The following PDPK1 variants were observed in gnomAD, a reference collection of about 807,000 sequenced individuals.
PDPK1 encodes the protein 3-phosphoinositide dependent protein kinase 1, also known as 3-phosphoinositide-dependent protein kinase 1.
PDPK1 carries 7 observed loss-of-function variants against 39.8 expected under a neutral mutation model. The observed-to-expected ratio is 0.18, with a 90% confidence interval of 0.10 to 0.33. PDPK1 has a LOEUF of 0.33. Ranked by LOEUF, PDPK1 falls within the 10% of genes least tolerant of loss-of-function variation. The probability of loss-of-function intolerance (pLI) is 1.00; values close to 1 mark genes in which losing one functional copy is unlikely to be tolerated. For synonymous variants in PDPK1, 118 were observed against 159.1 expected, an observed-to-expected ratio of 0.74 and a Z score of 1.95; for missense variants, 182 against 384.7, an observed-to-expected ratio of 0.47 and a Z score of 4.41.
chr16:2,594,356 A>G (rs981592597), intron 11 of PDPK1: 1 of 151,836 alleles, frequency 6.6e-6, no homozygotes, highest in Admixed American at 6.6e-5. Flanking sequence ...CATCCTGGCT[A>G]ACATAGTGAA....
intron 10 of PDPK1, among the ~76,000 whole-genome samples, chr16:2,585,454 C>T (rs2066848693): frequency 6.6e-6 from 1 of 152,228 alleles, no homozygotes; most frequent in East Asian, 1.9e-4. Context: ...CGCACCCCCT[C>T]CTTCATGGGG....
rs1414270641 is a variant in PDPK1, at chr16:2,597,920, GA to G, written c.*161del. 9 of 587,534 alleles carry G rather than the reference GA, an allele frequency of 1.5e-5. No homozygotes were observed. The highest frequency in any genetic ancestry group is 4.4e-5 in the South Asian group (2 of 45,730). The allele number at this position is 587,534 out of a possible 1,614,324, so 36.4% of individuals were successfully genotyped here. ...AGCATTTTTATTTAAAAGAAAAGAA[GA>G]AAAAAAACACCCAACCACACAAAGA... On this transcript the variant is annotated 3_prime_UTR_variant, in exon 14 of 14. Coordinates refer to ENST00000342085, the MANE Select transcript of PDPK1 (RefSeq NM_002613.5). The surrounding 1 kb of genome is among the most constrained non-coding windows in gnomAD (Gnocchi z 6.3).
chr16:2,542,808 G>A (rs1016660652), intron 1 of PDPK1, among the ~76,000 whole-genome samples: 6 of 152,126 alleles, frequency 3.9e-5, no homozygotes, highest in Non-Finnish European at 7.3e-5. Context: ...GACCAAGGAC[G>A]TTAGTTCTGG....
At position 2,598,192 on chromosome 16, in the gene PDPK1, C is replaced by A; in HGVS notation, c.*425C>A. ...GGCCGAGGGGACCGGGTGTGTTTGG[C>A]TCTTTATGCCCCTCCCGCTGTGGTC... On this transcript the variant is annotated 3_prime_UTR_variant, in exon 14 of 14. Coordinates refer to ENST00000342085, the MANE Select transcript of PDPK1 (RefSeq NM_002613.5). 1 of 241,020 alleles carries A rather than the reference C, an allele frequency of 4.1e-6. No homozygotes were observed. The highest frequency in any genetic ancestry group is 8.1e-6 in the Non-Finnish European group (1 of 123,114). 14.9% of individuals were successfully genotyped at this position (241,020 alleles called of 1,614,324 possible).
intron 7 of PDPK1, 138 bp downstream of exon 7, chr16:2,577,638 C>T (rs1457775441): frequency 1.6e-6 from 1 of 637,736 alleles, no homozygotes; most frequent in Non-Finnish European, 2.8e-6. Flanking sequence ...GGCGTATTTT[C>T]CGTGGCGTAC....
At chr16:2,545,816 T>G (rs188412867) in intron 1 of PDPK1, among the ~76,000 whole-genome samples, 1 of 152,122 alleles carries the variant, frequency 6.6e-6, no homozygotes, top group East Asian at 1.9e-4. Flanking sequence ...TTTTTAAAAT[T>G]TTTTGTACAG....
Position 2,551,489 on chromosome 16 carries a change from TGA to T in PDPK1, c.25-6210_25-6209del, listed in dbSNP as rs372135725. 2.4e-4 allele frequency among the ~76,000 whole-genome samples: 36 copies of T among 150,604 alleles called. No homozygotes were observed. In the South Asian group the frequency reaches 2.8e-3, roughly 12 times the overall value. ...GAGAGCAGTTCCTGCTTGCCGCGTGTGAGAGTGTGCGGGCGCTGGCTCTACCT... is the reference window on the plus strand; with the variant it reads ...GAGAGCAGTTCCTGCTTGCCGCGTGTGAGTGTGCGGGCGCTGGCTCTACCT... On this transcript the variant is annotated intron_variant, in intron 1 of 13. Transcript: ENST00000342085.
chr16:2,538,129 G>T lies in PDPK1; in HGVS notation c.17G>T (p.Ser6Ile). 1 of 1,065,232 alleles carries T rather than the reference G, an allele frequency of 9.4e-7. No individual in the cohort carries two copies. The highest frequency in any genetic ancestry group is 1.1e-6 in the Non-Finnish European group (1 of 881,100). 66.0% of individuals were successfully genotyped at this position (1,065,232 alleles called of 1,614,324 possible). A position where few individuals can be genotyped will look rare whatever the true frequency, so the allele number is the denominator to read the frequency against. Residue 6 changes from serine (S) to isoleucine (I), a missense_variant, in exon 1 of 14, where the codon AGC becomes ATC. Physicochemically the swap from Ser to Ile is moderately radical, Grantham distance 142. This residue lies in a region of PDPK1 where 14 missense variants were observed against 16.3 expected (regional missense o/e 0.86). Coordinates refer to ENST00000342085, the MANE Select transcript of PDPK1 (RefSeq NM_002613.5). MARTT[S>I]QLYDAVPIQS... ...GCGGGGCCCATGGCCAGGACCACCA[G>T]CCAGCTGGTGAGCGCGCGGCGGCGG...
At position 2,597,652 on chromosome 16, in the gene PDPK1, C is replaced by A; in HGVS notation, c.1556C>A (p.Pro519His). The change falls in exon 14 of 14, where the codon CCT (proline) becomes CAT (histidine). Residue 519 changes from proline (P) to histidine (H), a missense_variant and splice_region_variant. Pro to His is a moderately conservative substitution (Grantham distance 77). Coordinates refer to ENST00000342085, the MANE Select transcript of PDPK1 (RefSeq NM_002613.5). This position sits in a 1 kb window ranked among gnomAD's most constrained non-coding sequence, Gnocchi z 6.3. ...ACTAAACGGCTTCTGTCTTCGCAGC[C>A]TAACAGGACGTATTATCTGATGGAC... ...KNFKTFFVHT[P>H]NRTYYLMDPS... 6.2e-7 allele frequency: 1 copy of A among 1,609,736 alleles called. No homozygotes were observed. Among genetic ancestry groups the A allele is most frequent in the Non-Finnish European group, 8.5e-7 (1 of 1,176,128 alleles).
chr16:2,538,903 T>C, intron 1 of PDPK1: 1 of 555,998 alleles, frequency 1.8e-6, no homozygotes, highest in East Asian at 6.9e-5. Context: ...ATGTTTTCCA[T>C]ATGCTAAGTT....
chr16:2,542,390 C>G (rs1294981685), intron 1 of PDPK1, among the ~76,000 whole-genome samples: 1 of 152,118 alleles, frequency 6.6e-6, no homozygotes, highest in East Asian at 1.9e-4. Flanking sequence ...AACTTCTGGT[C>G]TCAAGGGATC....
rs1454347808 is a variant in PDPK1 at position 2,601,677 on chromosome 16, G to A, written c.*3910G>A. 4.8e-6 allele frequency: 1 copy of A among 207,226 alleles called. No homozygotes were observed. Among genetic ancestry groups the A allele is most frequent in the Non-Finnish European group, 9.1e-6 (1 of 109,530 alleles). The allele number at this position is 207,226 out of a possible 1,614,324, so 12.8% of individuals were successfully genotyped here. A position where few individuals can be genotyped will look rare whatever the true frequency, so the allele number is the denominator to read the frequency against. ...ACGTAGCTGATTGGGTTTTACAAGA[G>A]TGCATTTGTCTCCCCCTTCCACCCG... On this transcript the variant is annotated 3_prime_UTR_variant, in exon 14 of 14. Coordinates refer to ENST00000342085, the MANE Select transcript of PDPK1 (RefSeq NM_002613.5).
At chr16:2,540,416 G>A (rs116892143) in intron 1 of PDPK1, among the ~76,000 whole-genome samples, 3,716 of 152,288 alleles carry the variant, frequency 0.024, 55 homozygotes, top group Non-Finnish European at 0.04. Flanking sequence ...TTTTACGGGT[G>A]CAGAAGCTGA....
At position 2,598,654 on chromosome 16, in the gene PDPK1, G is replaced by C. The variant is rs142512073; in HGVS notation, c.*887G>C. 6.2e-3 allele frequency: 1,442 copies of C among 233,442 alleles called. 53 individuals carry two copies. The Admixed American group carries it at 0.065, about 10-fold the overall frequency. 14.5% of individuals were successfully genotyped at this position (233,442 alleles called of 1,614,324 possible). A position where few individuals can be genotyped will look rare whatever the true frequency, so the allele number is the denominator to read the frequency against. On this transcript the variant is annotated 3_prime_UTR_variant, in exon 14 of 14. Transcript: ENST00000342085. ...GCCAGGAGGTGCCTTGGAGAAGCCA[G>C]CCAGAGCAGAGAGGGCTGCTGACTT...
In PDPK1 at chr16:2,544,823, A is replaced by G. The variant is rs149078762; in HGVS notation, c.24+6687A>G. ...ATGGAATTGATCTCCTGACCTCGTGATCCGCCCACCTCGGCCTCCCAAAGT... is the reference window on the plus strand; with the variant it reads ...ATGGAATTGATCTCCTGACCTCGTGGTCCGCCCACCTCGGCCTCCCAAAGT... On this transcript the variant is annotated intron_variant, in intron 1 of 13. Transcript: ENST00000342085. Among the ~76,000 whole-genome samples the G allele has an allele frequency of 3.0e-3, 453 of 152,122 alleles. 3 individuals are homozygous for G. The highest frequency in any genetic ancestry group is 0.01 in the African/African-American group (431 of 41,502).
chr16:2,585,858 G>A (rs1371508636), intron 10 of PDPK1, among the ~76,000 whole-genome samples: 1 of 152,232 alleles, frequency 6.6e-6, no homozygotes, highest in Non-Finnish European at 1.5e-5. Context: ...GCGTCTGGAG[G>A]CACGGAGGAC....
At chr16:2,563,022 A>AG (rs2066637805) in intron 4 of PDPK1, 1 of 152,044 alleles carries the variant, frequency 6.6e-6, no homozygotes, top group Non-Finnish European at 1.5e-5. Context: ...AGCCTAGTGC[A>AG]CAGCGGTGTC....
Position 2,597,866 on chromosome 16 carries a change from CA to C in PDPK1, c.*101del. 1.4e-6 allele frequency: 1 copy of C among 733,506 alleles called. No homozygotes were observed. Among genetic ancestry groups the C allele is most frequent in the Admixed American group, 2.5e-5 (1 of 40,758 alleles). The allele number at this position is 733,506 out of a possible 1,614,324, so 45.4% of individuals were successfully genotyped here. ...CTTCCAGACCACCTGCCAGCCATCACAAGGGGAACGCAGAGGCGGAAACCTT... is the reference window on the plus strand; with the variant it reads ...CTTCCAGACCACCTGCCAGCCATCACAGGGGAACGCAGAGGCGGAAACCTT... On this transcript the variant is annotated 3_prime_UTR_variant, in exon 14 of 14. Coordinates refer to ENST00000342085, the MANE Select transcript of PDPK1 (RefSeq NM_002613.5). The surrounding 1 kb of genome is among the most constrained non-coding windows in gnomAD (Gnocchi z 6.3).
chr16:2,594,085 G>C (rs949868511), intron 11 of PDPK1: 1 of 152,438 alleles, frequency 6.6e-6, no homozygotes, highest in East Asian at 1.9e-4. Context: ...GCCCAGGTCT[G>C]GGTGGGTCAG....
Sources: allele counts gnomAD v4.1 joint callset (sites outside exome capture counted in the v4.1 genomes callset), GRCh38; gene constraint gnomAD v4.1.1; regional missense constraint gnomAD v4.1.1; non-coding constraint Gnocchi (gnomAD v3.1); transcripts MANE v1.5; gene names NCBI Gene and HGNC (gene_info 2026-07-23, HGNC 2026-07-21).